Variants in FAM184B observed in about 807,000 individuals in gnomAD.
FAM184B encodes family with sequence similarity 184 member B, also known as protein FAM184B.
A neutral mutation model predicts 135.9 loss-of-function variants in FAM184B; 111 were observed. That is an observed-to-expected ratio of 0.82 (90% CI 0.70 to 0.96). The LOEUF is 0.96. FAM184B is among the 40% of genes least tolerant of loss of function. FAM184B has a pLI of 0.00. For synonymous variants in FAM184B, 552 were observed against 524.8 expected (o/e 1.05, Z -0.71); for missense variants, 1,375 against 1,323.9 (o/e 1.04, Z -0.60).
At chr4:17,777,251 A>C (rs573989186) in intron 1 of FAM184B, among the ~76,000 whole-genome samples, 1 of 152,360 alleles carries the variant, frequency 6.6e-6, no homozygotes, top group Admixed American at 6.5e-5. Flanking sequence ...ATAATTTATT[A>C]TATGGTTTCA....
chr4:17,679,971 G>A (rs772696925), intron 7 of FAM184B, among the ~76,000 whole-genome samples: 1 of 152,156 alleles, frequency 6.6e-6, no homozygotes, highest in Non-Finnish European at 1.5e-5. Context: ...TGGGGGCTAA[G>A]CTATGAGGAT....
intron 7 of FAM184B, among the ~76,000 whole-genome samples, chr4:17,687,873 A>G (rs1250315204): frequency 6.6e-6 from 1 of 152,198 alleles, no homozygotes; most frequent in Admixed American, 6.5e-5. Flanking sequence ...GTACATTTCC[A>G]TGGCTGAAGC....
chr4:17,669,528 T>G (rs1716124295), intron 7 of FAM184B, among the ~76,000 whole-genome samples: 1 of 152,222 alleles, frequency 6.6e-6, no homozygotes, highest in Non-Finnish European at 1.5e-5. Flanking sequence ...AAAGAAATTT[T>G]GTTCAATAGA....
At position 17,652,950 on chromosome 4, in the gene FAM184B, G is replaced by A. The variant is rs769065857; in HGVS notation, c.2071C>T (p.His691Tyr). The A allele has an allele frequency of 6.4e-6, 10 of 1,551,588 alleles. No individual in the cohort carries two copies. The Admixed American group carries it at 2.0e-4, about 30-fold the overall frequency. The change falls in exon 11 of 18, where the codon CAC becomes TAC. Residue 691 changes from histidine (H) to tyrosine (Y), a missense_variant. Physicochemically the swap from His to Tyr is moderately conservative, Grantham distance 83 (BLOSUM62 2). Coordinates refer to ENST00000265018, the MANE Select transcript of FAM184B (RefSeq NM_015688.2). ...TEERLKKESSHSLQIQHQTHR... is the reference protein window; with the variant it reads ...TEERLKKESSYSLQIQHQTHR... The stretch of plus-strand genomic sequence containing the variant: ...GTCTGGTGTTGGATCTGGAGGCTGT[G>A]GCTGGATTCCTTCTTCAAGCGTTCC...
At chr4:17,649,885 C>T (rs9760627) in intron 11 of FAM184B, among the ~76,000 whole-genome samples, 78,867 of 150,764 alleles carry the variant, frequency 0.52, 23,190 homozygotes, top group East Asian at 0.88. Context: ...TCCATCCACC[C>T]ATCTATCTGT....
At chr4:17,705,727 T>C in intron 4 of FAM184B, 25 bp downstream of exon 4, 2 of 1,550,936 alleles carry the variant, frequency 1.3e-6, no homozygotes, top group East Asian at 4.9e-5. Context: ...GCCTTCTCCA[T>C]CCCCAGGGCT....
At chr4:17,759,034 C>T (rs1001517792) in intron 1 of FAM184B, among the ~76,000 whole-genome samples, 3 of 152,112 alleles carry the variant, frequency 2.0e-5, no homozygotes, top group Admixed American at 6.5e-5. Flanking sequence ...AGACAGTTTA[C>T]GTCTGATGTT....
At position 17,765,761 on chromosome 4, in the gene FAM184B, C is replaced by T. The variant is rs139996629; in HGVS notation, c.141+15398G>A. On this transcript the variant is annotated intron_variant, in intron 1 of 17. Transcript: ENST00000265018. Reference sequence around the variant, plus strand: ...CTCACTGACTTGAAGAATAAAGCCACGGACCCTCCTGATGAGTGTTACAGT... The same window carrying T: ...CTCACTGACTTGAAGAATAAAGCCATGGACCCTCCTGATGAGTGTTACAGT... Among the ~76,000 whole-genome samples, 383 of 152,282 alleles carry T rather than the reference C, an allele frequency of 2.5e-3. 1 individual carries two copies. Among genetic ancestry groups the T allele is most frequent in the African/African-American group, 8.9e-3 (369 of 41,534 alleles).
At position 17,633,363 on chromosome 4, in the gene FAM184B, G is replaced by A. The variant is rs192423312; in HGVS notation, c.3089+326C>T. 1.1e-3 allele frequency: 227 copies of A among 199,146 alleles called. 3 individuals carry two copies. The South Asian group carries it at 0.024, about 21-fold the overall frequency. The allele number at this position is 199,146 out of a possible 1,614,324, so 12.3% of individuals were successfully genotyped here. On this transcript the variant is annotated intron_variant, in intron 17 of 17. Coordinates refer to ENST00000265018, the MANE Select transcript of FAM184B (RefSeq NM_015688.2). ...TATGGATTAATTCCTTTAGTCTCAC[G>A]TCAGTCTGATGAGATAGGTGCTGTA...
intron 1 of FAM184B, among the ~76,000 whole-genome samples, chr4:17,774,942 G>A (rs1448750287): frequency 1.3e-5 from 2 of 149,564 alleles, no homozygotes; most frequent in African/African-American, 2.5e-5. Flanking sequence ...TTCCTTAAAC[G>A]TAAGATCAGC....
intron 5 of FAM184B, among the ~76,000 whole-genome samples, chr4:17,698,063 A>G (rs1239349994): frequency 1.3e-5 from 2 of 151,894 alleles, no homozygotes; most frequent in African/African-American, 4.8e-5. Context: ...AAATTCCCTT[A>G]ACTCAGGTAA....
intron 1 of FAM184B, among the ~76,000 whole-genome samples, chr4:17,750,552 T>A (rs1187395321): frequency 6.6e-6 from 1 of 152,208 alleles, no homozygotes; most frequent in Non-Finnish European, 1.5e-5. Context: ...TGGGCATTCT[T>A]GTATTTCACA....
chr4:17,721,796 C>T (rs1019670563), intron 1 of FAM184B, among the ~76,000 whole-genome samples: 5 of 152,082 alleles, frequency 3.3e-5, no homozygotes, highest in South Asian at 2.1e-4. Context: ...GGGGAGGTCC[C>T]GAGATATGCA....
chr4:17,705,378 AC>A (rs1717085331), intron 4 of FAM184B, among the ~76,000 whole-genome samples, 172 bp from the exon 5 acceptor site: 2 of 152,322 alleles, frequency 1.3e-5, no homozygotes, highest in Middle Eastern at 3.4e-3. Flanking sequence ...AAAAGTCTCC[AC>A]CACTGGAAAA....
At chr4:17,766,794 C>G (rs577792756) in intron 1 of FAM184B, among the ~76,000 whole-genome samples, 12 of 152,360 alleles carry the variant, frequency 7.9e-5, no homozygotes, top group African/African-American at 2.4e-4. Flanking sequence ...CTGCCAGTCC[C>G]GCGCAGAGCA....
At chr4:17,651,916 T>C (rs1272682783) in intron 11 of FAM184B, among the ~76,000 whole-genome samples, 1 of 152,026 alleles carries the variant, frequency 6.6e-6, no homozygotes, top group Non-Finnish European at 1.5e-5. Context: ...GGGGATGATG[T>C]GGGGGCAGGC....
intron 15 of FAM184B, among the ~76,000 whole-genome samples, chr4:17,635,576 C>T (rs925475725): frequency 5.0e-4 from 76 of 151,720 alleles, no homozygotes; most frequent in African/African-American, 1.7e-3. Context: ...TCATTTTCCA[C>T]TTTTTTCTCT....
intron 7 of FAM184B, among the ~76,000 whole-genome samples, chr4:17,685,122 T>C (rs1352314691): frequency 6.8e-6 from 1 of 147,064 alleles, no homozygotes; most frequent in Non-Finnish European, 1.5e-5. Context: ...GATGGGTTGA[T>C]AGGTACAGCA....
rs545358822 is a variant in FAM184B at position 17,761,285 on chromosome 4, C to T, written c.141+19874G>A. Among the ~76,000 whole-genome samples the T allele has an allele frequency of 7.2e-5, 11 of 152,098 alleles. No homozygotes were observed. The South Asian group carries it at 2.3e-3, about 32-fold the overall frequency. On this transcript the variant is annotated intron_variant, in intron 1 of 17. Transcript: ENST00000265018. ...TCTCCCTGTGTGCACACAGGAAAGG[C>T]CATATGAGGACAAGGCCATAAGCCT...
Sources: gnomAD v4.1 joint callset for allele counts (sites outside exome capture counted in the v4.1 genomes callset) on GRCh38, gnomAD v4.1.1 for gene constraint, MANE v1.5 for transcripts, NCBI Gene and HGNC (gene_info 2026-07-23, HGNC 2026-07-21) for gene names.